Variants in SLFN13 observed in about 807,000 individuals in gnomAD.
The protein encoded by SLFN13 is schlafen family member 13.
A neutral mutation model predicts 50.6 loss-of-function variants in SLFN13; 43 were observed. That is an observed-to-expected ratio of 0.85 (90% confidence interval 0.67 to 1.09). The LOEUF (loss-of-function observed/expected upper bound fraction) is 1.09, where lower values mean the gene tolerates loss of function less well. SLFN13 is among the 50% of genes least tolerant of loss of function. The probability of loss-of-function intolerance (pLI) is 0.00; values close to 1 mark genes in which losing one functional copy is unlikely to be tolerated. For missense variants in SLFN13, 881 were observed against 1,071.1 expected (o/e 0.82, Z 2.48); for synonymous variants, 339 against 386.5 (o/e 0.88, Z 1.44).
chr17:35,444,880 G>A lies in SLFN13; in HGVS notation c.801C>T (p.Asp267=), dbSNP rs1457858693. 19 of 1,614,114 alleles carry A rather than the reference G, an allele frequency of 1.2e-5. No homozygotes were observed. The highest frequency in any genetic ancestry group is 1.5e-5 in the Non-Finnish European group (18 of 1,180,050). Residue 267 remains aspartate (D), a synonymous_variant, in exon 3 of 6, where the codon GAC becomes GAT. Transcript: ENST00000285013. Reference sequence around the variant, plus strand: ...CTCTTGCAATTACATTTTTCAAAGAGTCAGGGTCAACCTGTTCTTTGGCAC... The same window carrying A: ...CTCTTGCAATTACATTTTTCAAAGAATCAGGGTCAACCTGTTCTTTGGCAC... ...LGCAKEQVDP[D]SLKNVIARAI...
chr17:35,446,202 GAAGT>G (rs1436578594), intron 2 of SLFN13, among the ~76,000 whole-genome samples: 8 of 152,158 alleles, frequency 5.3e-5, no homozygotes, highest in Non-Finnish European at 1.2e-4. Flanking sequence ...AAAAATCAAA[GAAGT>G]AAGAGAAAAA....
At chr17:35,446,957 T>C (rs1337961785) in intron 2 of SLFN13, 4 of 152,222 alleles carry the variant, frequency 2.6e-5, no homozygotes, top group African/African-American at 7.2e-5. Context: ...TTTTGATATA[T>C]GGGGACTTCA....
rs768204231 is a variant in SLFN13 at position 35,445,055 on chromosome 17, G to A, written c.626C>T (p.Ser209Phe). The change falls in exon 3 of 6, where the codon TCT (serine) becomes TTT (phenylalanine). Residue 209 changes from serine to phenylalanine, a missense_variant. By Grantham distance (155) the Ser-to-Phe change is radical (BLOSUM62 -2). This residue lies in a region of SLFN13 where 497 missense variants were observed against 518.3 expected (regional missense o/e 0.96). Coordinates refer to ENST00000285013, the MANE Select transcript of SLFN13 (RefSeq NM_144682.6). ...EYGEILSFPE[S>F]PSIEFKQFST... Reference sequence around the variant, plus strand: ...GAACTGTTTAAACTCTATGGATGGAGACTCAGGAAAAGATAGGATTTCACC... The same window carrying A: ...GAACTGTTTAAACTCTATGGATGGAAACTCAGGAAAAGATAGGATTTCACC... 1.3e-5 allele frequency: 21 copies of A among 1,613,946 alleles called. No individual in the cohort carries two copies. The South Asian group carries it at 2.3e-4, about 18-fold the overall frequency.
At chr17:35,447,485 C>A (rs978158425) in intron 1 of SLFN13, 71 bp from the exon 2 acceptor site, 1 of 152,142 alleles carries the variant, frequency 6.6e-6, no homozygotes, top group East Asian at 1.9e-4. Context: ...TTGAACCCCC[C>A]CTACACATGC....
At chr17:35,443,167 G>A (rs1913013689) in intron 4 of SLFN13, among the ~76,000 whole-genome samples, 7 of 152,042 alleles carry the variant, frequency 4.6e-5, no homozygotes, top group Admixed American at 3.9e-4. Flanking sequence ...TAGGAACTCC[G>A]AGAAAAAAAC....
At chr17:35,447,486 C>G (rs1913272667) in intron 1 of SLFN13, 72 bp from the exon 2 acceptor site, 1 of 152,154 alleles carries the variant, frequency 6.6e-6, no homozygotes, top group Non-Finnish European at 1.5e-5. Flanking sequence ...TGAACCCCCC[C>G]TACACATGCA....
In SLFN13 at chr17:35,444,641, A is replaced by T; in HGVS notation, c.1040T>A (p.Val347Glu). The change falls in exon 3 of 6, where the codon GTA becomes GAA. Residue 347 changes from valine to glutamate, a missense_variant. Physicochemically the swap from Val to Glu is moderately radical, Grantham distance 121 (BLOSUM62 -2). Coordinates refer to ENST00000285013, the MANE Select transcript of SLFN13 (RefSeq NM_144682.6). ...YIRPLTTEEWVEKMMDADPEF... is the reference protein window; with the variant it reads ...YIRPLTTEEWEEKMMDADPEF... ...TGGATCTGCGTCCATCATTTTCTCT[A>T]CCCATTCCTCAGTTGTCAAGGGGCG... is the stretch of plus-strand genomic sequence containing the variant. 2.5e-6 allele frequency: 4 copies of T among 1,614,046 alleles called. No individual in the cohort carries two copies. Among genetic ancestry groups the T allele is most frequent in the Non-Finnish European group, 2.5e-6 (3 of 1,179,976 alleles).
chr17:35,445,335 G>A lies in SLFN13; in HGVS notation c.346C>T (p.Pro116Ser), dbSNP rs1913152027. The A allele has an allele frequency of 6.2e-7, 1 of 1,613,796 alleles. No individual in the cohort carries two copies. Among genetic ancestry groups the A allele is most frequent in the East Asian group, 2.2e-5 (1 of 44,880 alleles). The change falls in exon 3 of 6, where the codon CCT (proline) becomes TCT (serine). Residue 116 changes from proline to serine, a missense_variant. Physicochemically the swap from Pro to Ser is moderately conservative, Grantham distance 74. Around this residue, in one of 5 missense-constraint regions of SLFN13, gnomAD observed 497 missense variants for 518.3 expected, o/e 0.96. Transcript: ENST00000285013. ...TTGAAAGAACCATCTTTAAGGAAAGGATCACCACTCCAAGATTTAACAAAA... is the reference window on the plus strand; with the variant it reads ...TTGAAAGAACCATCTTTAAGGAAAGAATCACCACTCCAAGATTTAACAAAA... ...YIFVKSWSGD[P>S]FLKDGSFNSR...
In SLFN13 at chr17:35,445,474, A is replaced by G; in HGVS notation, c.207T>C (p.Asp69=). 6.2e-7 allele frequency: 1 copy of G among 1,614,206 alleles called. No individual in the cohort carries two copies. Among genetic ancestry groups the G allele is most frequent in the Non-Finnish European group, 8.5e-7 (1 of 1,180,038 alleles). Residue 69 remains aspartate (D), a synonymous_variant, in exon 3 of 6, where the codon GAT becomes GAC. Coordinates refer to ENST00000285013, the MANE Select transcript of SLFN13 (RefSeq NM_144682.6). The stretch of plus-strand genomic sequence containing the variant: ...CCAGTCCCATCTCTGTGGGACGCTC[A>G]TCCCTGTTGGCCATTTCCATCTGAA... ...GVIQMEMANR[D]ERPTEMGLDL...
Position 35,443,918 on chromosome 17 carries a change from ACT to A in SLFN13, c.1067_1068del (p.Glu356ValfsTer7). On this transcript the variant is annotated frameshift_variant and splice_region_variant, in exon 4 of 6. Transcript: ENST00000285013. LOFTEE classifies it high-confidence loss of function. ...AAGGCCTCAGCAAAGTCTGGAGGAA[ACT>A]CTGAAAGAAAGAACATTTTAATTTA... ...WVEKMMDADP[E>X]FPPDFAEAFE... The A allele has an allele frequency of 6.2e-7, 1 of 1,612,376 alleles. No homozygotes were observed. The highest frequency in any genetic ancestry group is 8.5e-7 in the Non-Finnish European group (1 of 1,179,018).
intron 4 of SLFN13, 47 bp from the exon 5 acceptor site, chr17:35,442,333 T>A: frequency 6.6e-7 from 1 of 1,509,542 alleles, no homozygotes; most frequent in Non-Finnish European, 8.8e-7. Context: ...GTTTATGTGA[T>A]TTTGTATGAA....
upstream of SLFN13, among the ~76,000 whole-genome samples, chr17:35,449,044 TACA>T (rs10610343): frequency 0.52 from 77,163 of 148,022 alleles, 20,083 homozygotes; most frequent in South Asian, 0.7. Context: ...CCCCCGTCTG[TACA>T]ACAACAACAA....
At position 35,443,804 on chromosome 17, in the gene SLFN13, G is replaced by C. The variant is rs370268189; in HGVS notation, c.1183C>G (p.Gln395Glu). 2.5e-6 allele frequency: 4 copies of C among 1,611,240 alleles called. No homozygotes were observed. The African/African-American group carries it at 5.3e-5, about 22-fold the overall frequency. Residue 395 changes from glutamine to glutamate, a missense_variant, in exon 4 of 6, where the codon CAA becomes GAA. By Grantham distance (29) the Gln-to-Glu change is conservative (BLOSUM62 2). Around this residue, in one of 5 missense-constraint regions of SLFN13, gnomAD observed 497 missense variants for 518.3 expected, o/e 0.96. Transcript: ENST00000285013. ...CAGTCAGTACCTGGAAATAAATGTT[G>C]TTGTAGATCAGCTTTGTGTTCCAGA... ...KGLEHKADLQ[Q>E]HLFPVPPGHL...
In SLFN13 at chr17:35,437,847, A is replaced by T. The variant is rs1454690469; in HGVS notation, c.*2748T>A. 6.6e-6 allele frequency: 1 copy of T among 152,180 alleles called. No homozygotes were observed. The highest frequency in any genetic ancestry group is 1.9e-4 in the East Asian group (1 of 5,204). The allele number at this position is 152,180 out of a possible 1,614,324, so 9.4% of individuals were successfully genotyped here. A position where few individuals can be genotyped will look rare whatever the true frequency, so the allele number is the denominator to read the frequency against. On this transcript the variant is annotated 3_prime_UTR_variant, in exon 6 of 6. Transcript: ENST00000285013. ...AAAGGCTAATTTAAATTTTCAAAAC[A>T]TTTTGTTTCATTTTACAATGGCTGG...
Position 35,444,946 on chromosome 17 carries a change from A to G in SLFN13, c.735T>C (p.Leu245=), listed in dbSNP as rs767984446. The change falls in exon 3 of 6, where the codon CTT becomes CTC. Residue 245 remains leucine (L), a synonymous_variant. Transcript: ENST00000285013. ...TACTCTTATCATCCACTCCAATAAA[A>G]AGATAGCCTCCCTCAGTGTTTGCAA... is the stretch of plus-strand genomic sequence containing the variant. The part of the protein sequence containing the change: ...SAFANTEGGY[L]FIGVDDKSRK... The G allele has an allele frequency of 9.9e-6, 16 of 1,614,070 alleles. No homozygotes were observed. Among genetic ancestry groups the G allele is most frequent in the Non-Finnish European group, 1.3e-5 (15 of 1,180,036 alleles).
chr17:35,436,456 G>A lies in SLFN13; in HGVS notation c.*4139C>T, dbSNP rs1028875467. Reference sequence around the variant, plus strand: ...TAGAAAAAAATCTCAAATATTATGCGTTCAGAAGCAAAAACACCCCCCCTC... The same window carrying A: ...TAGAAAAAAATCTCAAATATTATGCATTCAGAAGCAAAAACACCCCCCCTC... On this transcript the variant is annotated 3_prime_UTR_variant, in exon 6 of 6. Transcript: ENST00000285013. 1 of 150,030 alleles carries A rather than the reference G, an allele frequency of 6.7e-6. No homozygotes were observed. Among genetic ancestry groups the A allele is most frequent in the Admixed American group, 6.7e-5 (1 of 15,004 alleles). The allele number at this position is 150,030 out of a possible 1,614,324, so 9.3% of individuals were successfully genotyped here.
In SLFN13 at chr17:35,444,652, A is replaced by G. The variant is rs778281254; in HGVS notation, c.1029T>C (p.Thr343=). 6.2e-7 allele frequency: 1 copy of G among 1,614,204 alleles called. No homozygotes were observed. Among genetic ancestry groups the G allele is most frequent in the Middle Eastern group, 1.6e-4 (1 of 6,062 alleles). The change falls in exon 3 of 6, where the codon ACT becomes ACC. Residue 343 remains threonine, a synonymous_variant. Transcript: ENST00000285013. ...CCATCATTTTCTCTACCCATTCCTC[A>G]GTTGTCAAGGGGCGGATGTACTTCT... ...VREKYIRPLT[T]EEWVEKMMDA...
intron 2 of SLFN13, 51 bp from the exon 3 acceptor site, chr17:35,445,744 G>A (rs1913186360): frequency 1.5e-6 from 2 of 1,354,338 alleles, no homozygotes; most frequent in East Asian, 2.4e-5. Flanking sequence ...ATTGTTACAG[G>A]CCTGCAATTC....
In SLFN13 at chr17:35,440,859, A is replaced by T; in HGVS notation, c.2430T>A (p.Ala810=). ...FERGYSPKDV[A]VLVSTVTEVE... is the part of the protein sequence containing the mutation. ...CTTCTGTCACGGTGCTGACAAGCAC[A>T]GCAACATCCTTTGGAGAATAGCCCC... Residue 810 remains alanine, a synonymous_variant, in exon 6 of 6, where the codon GCT becomes GCA. Transcript: ENST00000285013. The T allele has an allele frequency of 6.2e-7, 1 of 1,614,178 alleles. No homozygotes were observed. The highest frequency in any genetic ancestry group is 8.5e-7 in the Non-Finnish European group (1 of 1,180,022).
Sources: gnomAD v4.1 joint callset for allele counts (sites outside exome capture counted in the v4.1 genomes callset) on GRCh38, gnomAD v4.1.1 for gene constraint, gnomAD v4.1.1 regional missense constraint, MANE v1.5 for transcripts, NCBI Gene and HGNC (gene_info 2026-07-23, HGNC 2026-07-21) for gene names.